The following DYNC1I1 variants were observed in gnomAD, a reference collection of about 807,000 sequenced individuals.
DYNC1I1 encodes the protein cytoplasmic dynein 1 intermediate chain 1.
Under a neutral mutation model 86.6 loss-of-function variants are expected in DYNC1I1, and 43 were observed. The observed-to-expected ratio is 0.50, with a 90% confidence interval of 0.39 to 0.64. The LOEUF (loss-of-function observed/expected upper bound fraction) is 0.64. Ranked by LOEUF, DYNC1I1 falls within the 30% of genes least tolerant of loss-of-function variation. The pLI is 0.00. For synonymous variants in DYNC1I1, 262 were observed against 283.7 expected, an observed-to-expected ratio of 0.92 and a Z score of 0.77; for missense variants, 604 against 788.8, an observed-to-expected ratio of 0.77 and a Z score of 2.81.
rs555884318 is a variant in DYNC1I1, at chr7:95,894,494, G to A, written c.490+24496G>A. On this transcript the variant is annotated intron_variant, in intron 6 of 16. Coordinates refer to ENST00000447467, the MANE Select transcript of DYNC1I1 (RefSeq NM_001135556.2). ...CATAAACATTTAGTCTATTGTATTAGCACTGCAAGCATAGGGTGTAAGAGT... is the reference window on the plus strand; with the variant it reads ...CATAAACATTTAGTCTATTGTATTAACACTGCAAGCATAGGGTGTAAGAGT... 1.6e-4 allele frequency among the ~76,000 whole-genome samples: 25 copies of A among 152,104 alleles called. No individual in the cohort carries two copies. The South Asian group carries it at 3.7e-3, about 23-fold the overall frequency.
chr7:95,941,242 G>A (rs541925942), intron 6 of DYNC1I1, among the ~76,000 whole-genome samples: 5 of 152,084 alleles, frequency 3.3e-5, no homozygotes, highest in East Asian at 3.9e-4. Flanking sequence ...CTGCTTGGGG[G>A]TCAGGGGTCA....
chr7:96,023,548 T>A (rs1794605312), intron 10 of DYNC1I1, among the ~76,000 whole-genome samples: 1 of 152,130 alleles, frequency 6.6e-6, no homozygotes, highest in Non-Finnish European at 1.5e-5. Flanking sequence ...TAAAGACGGG[T>A]CTGGGCTAAC....
intron 9 of DYNC1I1, among the ~76,000 whole-genome samples, chr7:95,991,351 A>G (rs1562965328): frequency 6.6e-6 from 1 of 152,216 alleles, no homozygotes; most frequent in African/African-American, 2.4e-5. Context: ...TCTTCACTGT[A>G]TTGGTCAAAA....
intron 5 of DYNC1I1, among the ~76,000 whole-genome samples, chr7:95,856,261 A>G (rs2706867): frequency 0.51 from 77,531 of 151,950 alleles, 21,831 homozygotes; most frequent in Middle Eastern, 0.65. Context: ...TCACCTCCAC[A>G]TGTTGTCCCC....
At chr7:96,063,235 A>G (rs952489441) in intron 14 of DYNC1I1, among the ~76,000 whole-genome samples, 1 of 152,016 alleles carries the variant, frequency 6.6e-6, no homozygotes, top group South Asian at 2.1e-4. Flanking sequence ...GGATGTGTTT[A>G]GGAAGGAGAG....
intron 6 of DYNC1I1, among the ~76,000 whole-genome samples, chr7:95,904,496 G>A (rs1791121445): frequency 6.6e-6 from 1 of 152,154 alleles, no homozygotes; most frequent in Non-Finnish European, 1.5e-5. Flanking sequence ...GAGATGAAGA[G>A]ACACATTTTC....
Position 96,008,594 on chromosome 7 carries a change from A to G in DYNC1I1, c.969+12521A>G, listed in dbSNP as rs1388488181. 2.6e-5 allele frequency among the ~76,000 whole-genome samples: 4 copies of G among 152,238 alleles called. No individual in the cohort carries two copies. In the East Asian group the frequency reaches 7.7e-4, roughly 29 times the overall value. ...AATAGTTTCCATAGTAGAAAATTAAATGATTTTACTAACTGTCAAAGTCAG... is the reference window on the plus strand; with the variant it reads ...AATAGTTTCCATAGTAGAAAATTAAGTGATTTTACTAACTGTCAAAGTCAG... On this transcript the variant is annotated intron_variant, in intron 10 of 16. Transcript: ENST00000447467.
intron 14 of DYNC1I1, 145 bp from the exon 15 acceptor site, chr7:96,075,912 A>T: frequency 1.8e-6 from 2 of 1,139,554 alleles, no homozygotes; most frequent in Non-Finnish European, 2.4e-6. Flanking sequence ...TAGTCACATT[A>T]AAGCTCCGGT....
At chr7:95,786,333 A>G (rs1794145630) in intron 1 of DYNC1I1, among the ~76,000 whole-genome samples, 1 of 152,120 alleles carries the variant, frequency 6.6e-6, no homozygotes, top group African/African-American at 2.4e-5. Flanking sequence ...CTCGCATGTC[A>G]ATGTCTGGCT....
chr7:95,883,325 G>C (rs1295882769), intron 6 of DYNC1I1, among the ~76,000 whole-genome samples: 1 of 152,096 alleles, frequency 6.6e-6, no homozygotes, highest in Non-Finnish European at 1.5e-5. Flanking sequence ...TTGTTAAGTG[G>C]TTCTATCTGC....
intron 10 of DYNC1I1, among the ~76,000 whole-genome samples, chr7:96,025,935 C>A (rs1257752829): frequency 1.3e-5 from 2 of 152,006 alleles, no homozygotes; most frequent in Non-Finnish European, 2.9e-5. Flanking sequence ...TTCCTTTATC[C>A]ATATCGATTT....
At chr7:95,853,084 C>T (rs1426898532) in intron 5 of DYNC1I1, among the ~76,000 whole-genome samples, 5 of 152,054 alleles carry the variant, frequency 3.3e-5, no homozygotes, top group Non-Finnish European at 7.4e-5. Flanking sequence ...GAAATTCCTT[C>T]TGTTATTGAC....
chr7:95,787,119 A>G (rs1310419284), intron 1 of DYNC1I1, among the ~76,000 whole-genome samples: 1 of 152,198 alleles, frequency 6.6e-6, no homozygotes, highest in Non-Finnish European at 1.5e-5. Context: ...ATGCAACCCA[A>G]TGTAAGTATA....
At chr7:95,798,122 G>C (rs949826012) in intron 1 of DYNC1I1, among the ~76,000 whole-genome samples, 3 of 152,104 alleles carry the variant, frequency 2.0e-5, no homozygotes, top group African/African-American at 7.2e-5. Context: ...TGAAGTCCTT[G>C]ATAATTTTTA....
intron 6 of DYNC1I1, among the ~76,000 whole-genome samples, chr7:95,893,891 T>C (rs1260094658): frequency 2.0e-5 from 3 of 152,114 alleles, no homozygotes; most frequent in African/African-American, 7.2e-5. Flanking sequence ...ACTTGGAGAA[T>C]TGGGTTTGGA....
At chr7:95,941,917 C>A (rs1792235878) in intron 6 of DYNC1I1, among the ~76,000 whole-genome samples, 2 of 152,144 alleles carry the variant, frequency 1.3e-5, no homozygotes, top group African/African-American at 4.8e-5. Context: ...GAGCTGTAGA[C>A]CGGAGCTGTT....
chr7:95,917,037 G>A (rs1282228736), intron 6 of DYNC1I1, among the ~76,000 whole-genome samples: 2 of 152,164 alleles, frequency 1.3e-5, no homozygotes, highest in African/African-American at 4.8e-5. Flanking sequence ...AACCGGGTGT[G>A]ATTATCTAAT....
intron 5 of DYNC1I1, among the ~76,000 whole-genome samples, chr7:95,856,517 T>C (rs1402527373): frequency 3.9e-5 from 6 of 152,238 alleles, no homozygotes; most frequent in South Asian, 2.1e-4. Flanking sequence ...TTTTCAAAAT[T>C]TTTATGGTTG....
intron 5 of DYNC1I1, among the ~76,000 whole-genome samples, chr7:95,849,009 T>C (rs1789509685): frequency 6.6e-6 from 1 of 152,180 alleles, no homozygotes; most frequent in Non-Finnish European, 1.5e-5. Context: ...AGATACTCAT[T>C]GACCATCTGT....
Sources: allele counts gnomAD v4.1 joint callset (sites outside exome capture counted in the v4.1 genomes callset), GRCh38; gene constraint gnomAD v4.1.1; transcripts MANE v1.5; gene names NCBI Gene and HGNC (gene_info 2026-07-23, HGNC 2026-07-21).